YWHAG: variants seen among roughly 807,000 people sequenced by gnomAD.
YWHAG encodes the protein 14-3-3 protein gamma.
In YWHAG, 1 loss-of-function variant was observed where a neutral mutation model predicts 23.3. The ratio of observed to expected loss-of-function variants is 0.04; its 90% CI spans 0.02 to 0.20. The LOEUF is 0.20. Among genes scored for constraint, YWHAG ranks in the 10% least tolerant of loss-of-function variants. The pLI is 1.00. For missense variants in YWHAG, 151 were observed against 338.6 expected, an observed-to-expected ratio of 0.45 and a Z score of 4.35; for synonymous variants, 160 against 144.0, an observed-to-expected ratio of 1.11 and a Z score of -0.80.
chr7:76,336,755 C>CTTT (rs36057808), intron 1 of YWHAG, among the ~76,000 whole-genome samples: 1 of 133,246 alleles, frequency 7.5e-6, no homozygotes, highest in South Asian at 2.4e-4. Flanking sequence ...GGTGCCCGGT[C>CTTT]TTTTTTTTTT....
intron 1 of YWHAG, among the ~76,000 whole-genome samples, chr7:76,343,009 C>T (rs1417128811): frequency 1.3e-5 from 2 of 152,064 alleles, no homozygotes; most frequent in Non-Finnish European, 1.5e-5. Context: ...TGGTGGCAGG[C>T]GCCTGTAATC....
intron 1 of YWHAG, among the ~76,000 whole-genome samples, chr7:76,358,208 G>A (rs537765594): frequency 1.3e-5 from 2 of 152,200 alleles, no homozygotes; most frequent in African/African-American, 2.4e-5. Context: ...TCTCAGGGAT[G>A]TGTCGGGACA....
intron 1 of YWHAG, among the ~76,000 whole-genome samples, chr7:76,348,790 T>G (rs1803825893): frequency 6.6e-6 from 1 of 151,586 alleles, no homozygotes. Context: ...CCCGCCCGCC[T>G]CCACCTCCCA....
At chr7:76,358,452 C>T (rs987993428) in intron 1 of YWHAG, among the ~76,000 whole-genome samples, 1 of 152,094 alleles carries the variant, frequency 6.6e-6, no homozygotes, top group Non-Finnish European at 1.5e-5. Flanking sequence ...AGACCCCGCT[C>T]CCAAGTCCAG....
At chr7:76,341,541 G>A (rs1168591114) in intron 1 of YWHAG, among the ~76,000 whole-genome samples, 4 of 151,672 alleles carry the variant, frequency 2.6e-5, no homozygotes, top group Non-Finnish European at 5.9e-5. Flanking sequence ...TGTGATCTAT[G>A]TAATGGAATA....
intron 1 of YWHAG, among the ~76,000 whole-genome samples, chr7:76,345,385 A>C (rs1216297058): frequency 6.6e-6 from 1 of 151,716 alleles, no homozygotes; most frequent in African/African-American, 2.4e-5. Context: ...ACGGGGTTTC[A>C]CAATGTTAGC....
chr7:76,336,755 CTTT>C (rs36057808), intron 1 of YWHAG, among the ~76,000 whole-genome samples: 4 of 133,218 alleles, frequency 3.0e-5, no homozygotes, highest in East Asian at 2.2e-4. Context: ...GGTGCCCGGT[CTTT>C]TTTTTTTTTT....
intron 1 of YWHAG, among the ~76,000 whole-genome samples, chr7:76,350,871 T>C (rs986036264): frequency 1.3e-5 from 2 of 151,966 alleles, no homozygotes; most frequent in African/African-American, 4.8e-5. Flanking sequence ...AGAAAAATCG[T>C]TAAGTTAAAC....
At chr7:76,358,668 GGACC>G (rs992692144) in intron 1 of YWHAG, 50 bp downstream of exon 1, 130 of 1,510,096 alleles carry the variant, frequency 8.6e-5, no homozygotes, top group Non-Finnish European at 1.1e-4. Context: ...TCCACGCCAA[GGACC>G]GCGTCTTCGG....
chr7:76,350,249 A>G (rs1245916727), intron 1 of YWHAG, among the ~76,000 whole-genome samples: 2 of 152,110 alleles, frequency 1.3e-5, no homozygotes, highest in Non-Finnish European at 2.9e-5. Context: ...CTTCAACCTC[A>G]TTTTCCTTCC....
Position 76,327,668 on chromosome 7 carries a change from G to GCCCCCC in YWHAG, c.*1903_*1908dup, listed in dbSNP as rs71085403. 9 of 47,110 alleles carry GCCCCCC rather than the reference G, an allele frequency of 1.9e-4. No homozygotes were observed. The highest frequency in any genetic ancestry group is 2.5e-4 in the African/African-American group (2 of 7,894). 2.9% of individuals were successfully genotyped at this position (47,110 alleles called of 1,614,324 possible). ...AATTAGGGAAAGCCCCACCTACCCT[G>GCCCCCC]CCCCCCCCCCCCTCCCCCCCCAAAT... On this transcript the variant is annotated 3_prime_UTR_variant, in exon 2 of 2. Transcript: ENST00000307630.
At chr7:76,332,144 A>T (rs1281346849) in intron 1 of YWHAG, among the ~76,000 whole-genome samples, 2 of 152,124 alleles carry the variant, frequency 1.3e-5, no homozygotes, top group Non-Finnish European at 2.9e-5. Flanking sequence ...AGTGAAACAG[A>T]CTCAAAAGAG....
chr7:76,358,730 T>A lies in YWHAG; in HGVS notation c.79A>T (p.Met27Leu). The A allele has an allele frequency of 1.3e-6, 2 of 1,591,006 alleles. No individual in the cohort carries two copies. The highest frequency in any genetic ancestry group is 1.7e-6 in the Non-Finnish European group (2 of 1,170,202). The change falls in exon 1 of 2, where the codon ATG becomes TTG. Residue 27 changes from methionine (M) to leucine (L), a missense_variant. Transcript: ENST00000307630. ...GGGGAGGAGACACTCACGTTCTTCA[T>A]GGCCGCGGCCATGTCGTCGTAGCGC... ...AERYDDMAAA[M>L]KNVTELNEPL...
chr7:76,329,619 C>G lies in YWHAG; in HGVS notation c.702G>C (p.Thr234=). Residue 234 remains threonine, a synonymous_variant, in exon 2 of 2, where the codon ACG becomes ACC. Coordinates refer to ENST00000307630, the MANE Select transcript of YWHAG (RefSeq NM_012479.4). The surrounding 1 kb of genome is among the most constrained non-coding windows in gnomAD (Gnocchi z 6.1). ...QLLRDNLTLW[T]SDQQDDDGGE... ...CGCCATCGTCGTCCTGCTGGTCGCT[C>G]GTCCAGAGCGTGAGGTTGTCGCGGA... is the stretch of plus-strand genomic sequence containing the variant. The G allele has an allele frequency of 6.2e-7, 1 of 1,613,184 alleles. No homozygotes were observed. The highest frequency in any genetic ancestry group is 2.2e-5 in the East Asian group (1 of 44,850).
chr7:76,333,539 T>C (rs1331914555), intron 1 of YWHAG, among the ~76,000 whole-genome samples: 2 of 152,272 alleles, frequency 1.3e-5, no homozygotes, highest in African/African-American at 4.8e-5. Context: ...CTCATCTTCC[T>C]GTATCGAGTG....
rs1365068019 is a variant in YWHAG, at chr7:76,337,011, T to G, written c.88-6778A>C. Among the ~76,000 whole-genome samples the G allele has an allele frequency of 2.0e-5, 3 of 152,236 alleles. No homozygotes were observed. In the East Asian group the frequency reaches 5.8e-4, roughly 29 times the overall value. On this transcript the variant is annotated intron_variant, in intron 1 of 1. Coordinates refer to ENST00000307630, the MANE Select transcript of YWHAG (RefSeq NM_012479.4). ...ACTGCAAACGGATGGGACACGGTTC[T>G]CCTTCATCACAACTCGTTCGAAAGA...
At position 76,355,461 on chromosome 7, in the gene YWHAG, G is replaced by A. The variant is rs1803939680; in HGVS notation, c.87+3261C>T. Among the ~76,000 whole-genome samples the A allele has an allele frequency of 2.0e-5, 3 of 152,282 alleles. 1 individual carries two copies. The highest frequency in any genetic ancestry group is 4.8e-5 in the African/African-American group (2 of 41,550). On this transcript the variant is annotated intron_variant, in intron 1 of 1. Transcript: ENST00000307630. ...TAATATCTGCTTCAGTTACTGGGAAGGCTAACACATGAAAGGCAAGCTGTA... is the reference window on the plus strand; with the variant it reads ...TAATATCTGCTTCAGTTACTGGGAAAGCTAACACATGAAAGGCAAGCTGTA...
intron 1 of YWHAG, among the ~76,000 whole-genome samples, chr7:76,339,144 C>T (rs1356084169): frequency 3.3e-5 from 5 of 152,180 alleles, no homozygotes; most frequent in African/African-American, 4.8e-5. Context: ...CACTTCTTTG[C>T]TTTCTGTGTG....
At chr7:76,333,321 C>G (rs1803571957) in intron 1 of YWHAG, among the ~76,000 whole-genome samples, 1 of 152,164 alleles carries the variant, frequency 6.6e-6, no homozygotes, top group Non-Finnish European at 1.5e-5. Context: ...CCAGGCTGGT[C>G]TTGAACCCTT....
Sources: allele counts gnomAD v4.1 joint callset (sites outside exome capture counted in the v4.1 genomes callset), GRCh38; gene constraint gnomAD v4.1.1; non-coding constraint Gnocchi (gnomAD v3.1); transcripts MANE v1.5; gene names NCBI Gene and HGNC (gene_info 2026-07-23, HGNC 2026-07-21).